PCDHA2: variants seen among roughly 807,000 people sequenced by gnomAD.
The protein encoded by PCDHA2 is protocadherin alpha 2, also known as protocadherin alpha-2.
PCDHA2 carries 58 observed loss-of-function variants against 66.0 expected under a neutral mutation model. The observed-to-expected ratio is 0.88, with a 90% CI of 0.71 to 1.09. PCDHA2 has a LOEUF of 1.09. Among genes scored for constraint, PCDHA2 ranks in the 50% least tolerant of loss-of-function variants. PCDHA2 has a pLI of 0.00. For synonymous variants in PCDHA2, 634 were observed against 554.0 expected, an observed-to-expected ratio of 1.14 and a Z score of -2.03; for missense variants, 1,267 against 1,242.3, an observed-to-expected ratio of 1.02 and a Z score of -0.30.
intron 1 of PCDHA2, chr5:140,928,687 C>A (rs782599747): frequency 6.2e-7 from 1 of 1,614,142 alleles, no homozygotes. Context: ...GCTTTCCTAC[C>A]ACATCTCCCG....
chr5:140,915,626 G>GTCCC (rs1554196996), intron 1 of PCDHA2, among the ~76,000 whole-genome samples: 2 of 146,436 alleles, frequency 1.4e-5, no homozygotes, highest in Non-Finnish European at 3.0e-5. Flanking sequence ...GTCTCTTTCT[G>GTCCC]TCTCTCTCTC....
intron 1 of PCDHA2, chr5:140,847,470 C>T (rs2150400882): frequency 3.3e-5 from 5 of 149,674 alleles, no homozygotes; most frequent in African/African-American, 1.2e-4. Context: ...TCGACTTGGA[C>T]GTTGGAATAA....
At chr5:140,848,407 A>G in intron 1 of PCDHA2, 1 of 1,347,562 alleles carries the variant, frequency 7.4e-7, no homozygotes, top group Non-Finnish European at 1.0e-6. Flanking sequence ...AACGATGGCG[A>G]ACACAGCAGA....
intron 1 of PCDHA2, chr5:140,857,589 G>T (rs1554150286): frequency 6.3e-7 from 1 of 1,596,564 alleles, no homozygotes; most frequent in Non-Finnish European, 8.6e-7. Flanking sequence ...GCGGAGAGCG[G>T]CAAGGTGTAC....
chr5:140,873,739 C>A (rs571863406), intron 1 of PCDHA2, among the ~76,000 whole-genome samples: 1 of 152,294 alleles, frequency 6.6e-6, no homozygotes, highest in African/African-American at 2.4e-5. Flanking sequence ...CAGCTCACTG[C>A]AATCTCCACC....
intron 1 of PCDHA2, chr5:140,823,123 A>T: frequency 6.2e-7 from 1 of 1,614,012 alleles, no homozygotes; most frequent in Non-Finnish European, 8.5e-7. Flanking sequence ...CGTGAACGAC[A>T]ACGCTCCGGC....
rs567902726 is a variant in PCDHA2 at position 140,936,017 on chromosome 5, C to T, written c.2389-42932C>T. Among the ~76,000 whole-genome samples, 12 of 151,854 alleles carry T rather than the reference C, an allele frequency of 7.9e-5. No individual in the cohort carries two copies. The South Asian group carries it at 1.7e-3, about 21-fold the overall frequency. ...AAGCGATTCTCCCACCTCAGCCTCCCGAGTAGCGGGGATTACAGGCACCCA... is the reference window on the plus strand; with the variant it reads ...AAGCGATTCTCCCACCTCAGCCTCCTGAGTAGCGGGGATTACAGGCACCCA... On this transcript the variant is annotated intron_variant, in intron 1 of 3. Coordinates refer to ENST00000526136, the MANE Select transcript of PCDHA2 (RefSeq NM_018905.3).
chr5:140,808,340 G>T (rs782123040), intron 1 of PCDHA2: 2 of 1,614,254 alleles, frequency 1.2e-6, no homozygotes, highest in South Asian at 2.2e-5. Flanking sequence ...CAATGGGCTG[G>T]TCACCTGCTC....
At chr5:140,870,702 G>A in intron 1 of PCDHA2, 2 of 1,613,072 alleles carry the variant, frequency 1.2e-6, no homozygotes, top group African/African-American at 1.3e-5. Context: ...TACAGTTCCA[G>A]GTGAGCGCGC....
At position 140,823,172 on chromosome 5, in the gene PCDHA2, A is replaced by G. The variant is rs1554129177; in HGVS notation, c.2388+25820A>G. On this transcript the variant is annotated intron_variant, in intron 1 of 3. Coordinates refer to ENST00000526136, the MANE Select transcript of PCDHA2 (RefSeq NM_018905.3). ...CAGTATACCGTGTTCGTGAAGGAGAACAACCCGCCAGGCTGCCACATCTTC... is the reference window on the plus strand; with the variant it reads ...CAGTATACCGTGTTCGTGAAGGAGAGCAACCCGCCAGGCTGCCACATCTTC... The G allele has an allele frequency of 1.2e-5, 20 of 1,613,858 alleles. No individual in the cohort carries two copies. Among genetic ancestry groups the G allele is most frequent in the Middle Eastern group, 1.7e-4 (1 of 6,032 alleles).
chr5:140,829,648 G>T, intron 1 of PCDHA2: 1 of 1,612,362 alleles, frequency 6.2e-7, no homozygotes. Context: ...AGGTGTACGC[G>T]CTGCAGCCGC....
At chr5:140,902,189 C>T (rs2069172292) in intron 1 of PCDHA2, among the ~76,000 whole-genome samples, 1 of 145,890 alleles carries the variant, frequency 6.9e-6, no homozygotes, top group African/African-American at 2.6e-5. Flanking sequence ...TATGTCTTCT[C>T]TCTCTCTCTC....
rs782373131 is a variant in PCDHA2, at chr5:140,808,095, T to A, written c.2388+10743T>A. ...ATAGATCCAATTACTGGACAAATTA[T>A]TGTAAAGGGATATATTGACTTTGAA... is the stretch of plus-strand genomic sequence containing the variant. On this transcript the variant is annotated intron_variant, in intron 1 of 3. Transcript: ENST00000526136. 2.3e-5 allele frequency: 37 copies of A among 1,613,988 alleles called. No individual in the cohort carries two copies. In the East Asian group the frequency reaches 8.2e-4, roughly 36 times the overall value.
intron 1 of PCDHA2, among the ~76,000 whole-genome samples, chr5:140,826,743 G>GA (rs1245871105): frequency 1.3e-5 from 2 of 152,122 alleles, no homozygotes; most frequent in African/African-American, 4.8e-5. Flanking sequence ...TATATTGTCA[G>GA]AAAAATAAGA....
chr5:140,917,058 C>T (rs1028478613), intron 1 of PCDHA2, among the ~76,000 whole-genome samples: 4 of 152,072 alleles, frequency 2.6e-5, no homozygotes, highest in Non-Finnish European at 5.9e-5. Context: ...TTCCCTGCTA[C>T]GACAGCACCG....
chr5:140,879,469 G>A (rs1438617682), intron 1 of PCDHA2, among the ~76,000 whole-genome samples: 2 of 152,166 alleles, frequency 1.3e-5, no homozygotes, highest in Non-Finnish European at 2.9e-5. Context: ...AGAGAATACC[G>A]TTGTGATTGG....
chr5:140,808,421 G>C, intron 1 of PCDHA2: 1 of 1,614,156 alleles, frequency 6.2e-7, no homozygotes, highest in Non-Finnish European at 8.5e-7. Flanking sequence ...GCTGGACAGT[G>C]CCCTGGACCG....
intron 1 of PCDHA2, chr5:140,857,647 G>T: frequency 6.3e-7 from 1 of 1,596,858 alleles, no homozygotes; most frequent in Non-Finnish European, 8.6e-7. Flanking sequence ...TACAGTTCCA[G>T]GTGAGCGCGC....
At chr5:140,821,693 AT>A (rs1199376177) in intron 1 of PCDHA2, 3 of 1,399,368 alleles carry the variant, frequency 2.1e-6, no homozygotes, top group Admixed American at 4.5e-5. Flanking sequence ...AATATAAAAA[AT>A]ATATAGTTAA....
Sources: gnomAD v4.1 joint callset for allele counts (sites outside exome capture counted in the v4.1 genomes callset) on GRCh38, gnomAD v4.1.1 for gene constraint, MANE v1.5 for transcripts, NCBI Gene and HGNC (gene_info 2026-07-23, HGNC 2026-07-21) for gene names.